The following GPR137C variants were observed in gnomAD, a reference collection of about 807,000 sequenced individuals.
The protein encoded by GPR137C is integral membrane protein GPR137C.
Under a neutral mutation model 43.4 loss-of-function variants are expected in GPR137C, and 27 were observed. The observed-to-expected ratio is 0.62, with a 90% CI of 0.46 to 0.86. The LOEUF is 0.86. Ranked by LOEUF, GPR137C falls within the 40% of genes least tolerant of loss-of-function variation. GPR137C has a pLI of 0.00. For missense variants in GPR137C, 522 were observed against 534.6 expected, an observed-to-expected ratio of 0.98 and a Z score of 0.23; for synonymous variants, 285 against 226.9, an observed-to-expected ratio of 1.26 and a Z score of -2.30.
chr14:52,565,519 A>G (rs1208671618), intron 1 of GPR137C, among the ~76,000 whole-genome samples: 1 of 152,154 alleles, frequency 6.6e-6, no homozygotes, highest in East Asian at 1.9e-4. Flanking sequence ...ACTATACTAC[A>G]TATTGCTTTA....
chr14:52,632,181 G>A lies in GPR137C; in HGVS notation c.739G>A (p.Val247Ile). 6.2e-7 allele frequency: 1 copy of A among 1,606,752 alleles called. No individual in the cohort carries two copies. The highest frequency in any genetic ancestry group is 8.5e-7 in the Non-Finnish European group (1 of 1,173,900). Residue 247 changes from valine to isoleucine, a missense_variant, in exon 4 of 7, where the codon GTC (valine) becomes ATC (isoleucine). Physicochemically the swap from Val to Ile is conservative, Grantham distance 29 (BLOSUM62 3). Coordinates refer to ENST00000321662, the MANE Select transcript of GPR137C (RefSeq NM_001099652.2). Reference protein sequence around the residue: ...ESKGMSLCQTVVVGSVVILLY... With the variant: ...ESKGMSLCQTIVVGSVVILLY... ...TTAGGGTATGTCTCTGTGCCAGACT[G>A]TCGTCGTGGGCTCTGTAGTCATTCT...
intron 3 of GPR137C, among the ~76,000 whole-genome samples, chr14:52,626,729 G>A (rs922632940): frequency 6.6e-6 from 1 of 152,014 alleles, no homozygotes; most frequent in Non-Finnish European, 1.5e-5. Flanking sequence ...ACATCTTAAG[G>A]CATCTACTAA....
At chr14:52,607,861 C>T (rs2038998665) in intron 3 of GPR137C, among the ~76,000 whole-genome samples, 1 of 150,142 alleles carries the variant, frequency 6.7e-6, no homozygotes, top group African/African-American at 2.5e-5. Flanking sequence ...GGCAGCAGAG[C>T]GAGACTCTGT....
intron 1 of GPR137C, among the ~76,000 whole-genome samples, chr14:52,575,352 GCCACTACATT>G (rs1184062761): frequency 6.6e-6 from 1 of 152,108 alleles, no homozygotes; most frequent in African/African-American, 2.4e-5. Flanking sequence ...CTATGATCAT[GCCACTACATT>G]CCAGCTTGGA....
intron 5 of GPR137C, 79 bp downstream of exon 5, chr14:52,633,734 G>A: frequency 6.4e-7 from 1 of 1,564,598 alleles, no homozygotes; most frequent in Non-Finnish European, 8.7e-7. Flanking sequence ...TCTATTTTTG[G>A]CAAAGGTTAA....
rs1338452841 is a variant in GPR137C at position 52,553,127 on chromosome 14, C to G, written c.-21C>G. ...CAGCCCCTTCCTTCCCGCGCTCGCT[C>G]GCCCGGCCCCCAGCCCCCTCATGAG... On this transcript the variant is annotated 5_prime_UTR_variant, in exon 1 of 7. Coordinates refer to ENST00000321662, the MANE Select transcript of GPR137C (RefSeq NM_001099652.2). 1 of 1,158,156 alleles carries G rather than the reference C, an allele frequency of 8.6e-7. No homozygotes were observed. The highest frequency in any genetic ancestry group is 1.6e-5 in the African/African-American group (1 of 61,434). 71.7% of individuals were successfully genotyped at this position (1,158,156 alleles called of 1,614,324 possible).
intron 1 of GPR137C, among the ~76,000 whole-genome samples, chr14:52,563,479 A>G (rs530016506): frequency 3.9e-5 from 6 of 152,138 alleles, no homozygotes; most frequent in African/African-American, 1.2e-4. Flanking sequence ...CTACACCTAT[A>G]TGCATCAAAA....
chr14:52,587,431 A>C (rs899389611), intron 1 of GPR137C, among the ~76,000 whole-genome samples: 1 of 152,226 alleles, frequency 6.6e-6, no homozygotes, highest in African/African-American at 2.4e-5. Flanking sequence ...GTACAAAGGC[A>C]CAGAGATATA....
chr14:52,574,474 A>C (rs530855250), intron 1 of GPR137C, among the ~76,000 whole-genome samples: 1 of 152,308 alleles, frequency 6.6e-6, no homozygotes, highest in Non-Finnish European at 1.5e-5. Context: ...AGGAATGAAA[A>C]CCAAACACTG....
intron 1 of GPR137C, among the ~76,000 whole-genome samples, chr14:52,588,175 G>C (rs766210271): frequency 5.1e-4 from 77 of 152,002 alleles, no homozygotes; most frequent in Admixed American, 2.6e-3. Flanking sequence ...ACAGAATTTT[G>C]CTCTTGTTGC....
Position 52,605,572 on chromosome 14 carries a change from T to A in GPR137C, c.717+5231T>A, listed in dbSNP as rs75429432. On this transcript the variant is annotated intron_variant, in intron 3 of 6. Coordinates refer to ENST00000321662, the MANE Select transcript of GPR137C (RefSeq NM_001099652.2). The stretch of plus-strand genomic sequence containing the variant: ...TTGCCTAATTGCTCTGGCTTAGACT[T>A]CCAGTACTATGTTGTGTAAAAGTGG... Among the ~76,000 whole-genome samples the A allele has an allele frequency of 4.3e-3, 650 of 152,356 alleles. 10 individuals carry two copies. Among genetic ancestry groups the A allele is most frequent in the Admixed American group, 0.035 (539 of 15,300 alleles).
Position 52,553,438 on chromosome 14 carries a change from C to G in GPR137C, c.291C>G (p.Thr97=). The stretch of plus-strand genomic sequence containing the variant: ...GTCTCCTGTGGGCAGCGCTCAGGAC[C>G]ACCCTCTTCTCCGCCGCCTTCTCGC... ...FLCLLWAALR[T]TLFSAAFSLS... is the part of the protein sequence containing the mutation. Residue 97 remains threonine (T), a synonymous_variant, in exon 1 of 7, where the codon ACC becomes ACG. Coordinates refer to ENST00000321662, the MANE Select transcript of GPR137C (RefSeq NM_001099652.2). 1.2e-6 allele frequency: 2 copies of G among 1,609,144 alleles called. No homozygotes were observed. Among genetic ancestry groups the G allele is most frequent in the Non-Finnish European group, 1.7e-6 (2 of 1,179,792 alleles).
intron 1 of GPR137C, among the ~76,000 whole-genome samples, chr14:52,590,765 C>T (rs899890698): frequency 2.6e-5 from 4 of 152,212 alleles, no homozygotes; most frequent in African/African-American, 9.6e-5. Context: ...GTAGGCTATA[C>T]CATCTAGGTT....
chr14:52,619,259 C>G (rs1281908980), intron 3 of GPR137C, among the ~76,000 whole-genome samples: 2 of 152,098 alleles, frequency 1.3e-5, no homozygotes, highest in Admixed American at 6.5e-5. Context: ...ATTAAAGAAA[C>G]AGGCTAAAAT....
intron 3 of GPR137C, among the ~76,000 whole-genome samples, chr14:52,607,757 C>A (rs1490277828): frequency 6.6e-6 from 1 of 152,100 alleles, no homozygotes; most frequent in Non-Finnish European, 1.5e-5. Flanking sequence ...TGCCTGTAAT[C>A]CCAGCTGCTT....
intron 1 of GPR137C, among the ~76,000 whole-genome samples, chr14:52,557,317 G>A (rs2038209776): frequency 6.6e-6 from 1 of 152,176 alleles, no homozygotes; most frequent in South Asian, 2.1e-4. Flanking sequence ...GGTAAATTAT[G>A]TATTGTCTGG....
At chr14:52,562,669 A>G (rs2038304066) in intron 1 of GPR137C, among the ~76,000 whole-genome samples, 1 of 152,216 alleles carries the variant, frequency 6.6e-6, no homozygotes, top group South Asian at 2.1e-4. Context: ...CAACATGGGT[A>G]AAGGAAGAAA....
Position 52,633,771 on chromosome 14 carries a change from C to T in GPR137C, c.994-57C>T, listed in dbSNP as rs2039320286. ...ACTAAAAATTATTATAGATTCTAGC[C>T]TCCTTTCTTAGTGGAAAAGTAAAAC... On this transcript the variant is annotated intron_variant, in intron 5 of 6. Coordinates refer to ENST00000321662, the MANE Select transcript of GPR137C (RefSeq NM_001099652.2). The T allele has an allele frequency of 7.9e-6, 12 of 1,517,926 alleles. No individual in the cohort carries two copies. In the Admixed American group the frequency reaches 1.6e-4, roughly 20 times the overall value. 94.0% of individuals were successfully genotyped at this position (1,517,926 alleles called of 1,614,324 possible). A position where few individuals can be genotyped will look rare whatever the true frequency, so the allele number is the denominator to read the frequency against.
rs573079547 is a variant in GPR137C at position 52,601,042 on chromosome 14, A to G, written c.717+701A>G. Among the ~76,000 whole-genome samples the G allele has an allele frequency of 2.6e-5, 4 of 152,322 alleles. No individual in the cohort carries two copies. In the South Asian group the frequency reaches 8.3e-4, roughly 32 times the overall value. On this transcript the variant is annotated intron_variant, in intron 3 of 6. Transcript: ENST00000321662. ...CCTTGCCTTATACTTTGGATCAACAAACAGAAGCCAAATAGTAGCCCATTA... is the reference window on the plus strand; with the variant it reads ...CCTTGCCTTATACTTTGGATCAACAGACAGAAGCCAAATAGTAGCCCATTA...
Sources: gnomAD v4.1 joint callset for allele counts (sites outside exome capture counted in the v4.1 genomes callset) on GRCh38, gnomAD v4.1.1 for gene constraint, MANE v1.5 for transcripts, NCBI Gene and HGNC (gene_info 2026-07-23, HGNC 2026-07-21) for gene names.